The following CNTNAP2 variants were observed in gnomAD, a reference collection of about 807,000 sequenced individuals.
CNTNAP2 encodes contactin associated protein 2, also known as contactin-associated protein-like 2.
A neutral mutation model predicts 155.2 loss-of-function variants in CNTNAP2; 98 were observed. The ratio of observed to expected loss-of-function variants is 0.63; its 90% confidence interval spans 0.54 to 0.75. The LOEUF (loss-of-function observed/expected upper bound fraction) is 0.75, where lower values mean the gene tolerates loss of function less well. Among genes scored for constraint, CNTNAP2 ranks in the 30% least tolerant of loss-of-function variants. The pLI is 0.00. For missense variants in CNTNAP2, 1,727 were observed against 1,688.1 expected (o/e 1.02, Z -0.40); for synonymous variants, 651 against 631.2 (o/e 1.03, Z -0.47).
intron 12 of CNTNAP2, among the ~76,000 whole-genome samples, chr7:147,631,768 G>A (rs1795089941): frequency 1.3e-5 from 2 of 152,120 alleles, no homozygotes; most frequent in Admixed American, 1.3e-4. Context: ...TGGGATAATT[G>A]GCAAGTCACA....
chr7:148,059,686 C>A (rs1435467334), intron 15 of CNTNAP2, among the ~76,000 whole-genome samples: 13 of 149,304 alleles, frequency 8.7e-5, no homozygotes, highest in Non-Finnish European at 7.4e-5. Flanking sequence ...TAAAAAACAG[C>A]AGAAATATTC....
At chr7:146,932,067 A>G (rs1456674458) in intron 3 of CNTNAP2, among the ~76,000 whole-genome samples, 1 of 151,214 alleles carries the variant, frequency 6.6e-6, no homozygotes, top group Non-Finnish European at 1.5e-5. Flanking sequence ...AAAAGAGGGA[A>G]TCCTCCCTAA....
intron 9 of CNTNAP2, among the ~76,000 whole-genome samples, chr7:147,320,503 T>C (rs1795330584): frequency 6.6e-6 from 1 of 152,180 alleles, no homozygotes; most frequent in South Asian, 2.1e-4. Flanking sequence ...ATTTTTATGT[T>C]CCTTCAAGTG....
chr7:147,982,118 T>C (rs1255617163), intron 15 of CNTNAP2, among the ~76,000 whole-genome samples: 2 of 152,178 alleles, frequency 1.3e-5, no homozygotes, highest in Non-Finnish European at 2.9e-5. Context: ...ATAAAAGACT[T>C]CCACTTTTTG....
intron 1 of CNTNAP2, among the ~76,000 whole-genome samples, chr7:146,188,476 A>G (rs1376179844): frequency 6.6e-6 from 1 of 152,170 alleles, no homozygotes; most frequent in Non-Finnish European, 1.5e-5. Context: ...ACTAAAGCCA[A>G]ATGTAAAGTC....
intron 1 of CNTNAP2, among the ~76,000 whole-genome samples, chr7:146,232,547 T>C (rs947203408): frequency 5.3e-5 from 8 of 152,138 alleles, no homozygotes; most frequent in Non-Finnish European, 1.0e-4. Context: ...GTATCCTCCA[T>C]ATTAGCCTAT....
At chr7:146,910,273 A>G (rs1314044874) in intron 3 of CNTNAP2, among the ~76,000 whole-genome samples, 74 of 149,554 alleles carry the variant, frequency 4.9e-4, no homozygotes, top group Non-Finnish European at 7.7e-4. Context: ...CAAGCTACCA[A>G]TGACTTTCTT....
rs540112789 is a variant in CNTNAP2, at chr7:147,939,787, C to T, written c.2255+36066C>T. ...AAGTGTCCATTTCCAATCTCTCTTT[C>T]TCTCTCTCTCTCTCTCACACACACA... On this transcript the variant is annotated intron_variant, in intron 14 of 23. Transcript: ENST00000361727. Among the ~76,000 whole-genome samples the T allele has an allele frequency of 4.8e-4, 72 of 149,574 alleles. No individual in the cohort carries two copies. In the South Asian group the frequency reaches 0.011, roughly 23 times the overall value.
intron 15 of CNTNAP2, among the ~76,000 whole-genome samples, chr7:148,043,016 C>T (rs1802707260): frequency 6.6e-6 from 1 of 152,182 alleles, no homozygotes; most frequent in Non-Finnish European, 1.5e-5. Flanking sequence ...AAATGCTCTC[C>T]AGACAATTTC....
intron 1 of CNTNAP2, among the ~76,000 whole-genome samples, chr7:146,339,774 A>G (rs1020228582): frequency 6.6e-6 from 1 of 152,172 alleles, no homozygotes; most frequent in Non-Finnish European, 1.5e-5. Context: ...TAGAACCAGT[A>G]ACAGGGGATT....
At chr7:146,305,647 C>T (rs770725127) in intron 1 of CNTNAP2, among the ~76,000 whole-genome samples, 4 of 152,024 alleles carry the variant, frequency 2.6e-5, no homozygotes, top group South Asian at 4.1e-4. Context: ...GGGCACCCTA[C>T]GAGGTCCATA....
chr7:146,645,311 G>A (rs113271377), intron 1 of CNTNAP2, among the ~76,000 whole-genome samples: 35 of 152,290 alleles, frequency 2.3e-4, no homozygotes, highest in African/African-American at 8.4e-4. Flanking sequence ...GTCATAGGTA[G>A]TGCAGATAGA....
intron 18 of CNTNAP2, among the ~76,000 whole-genome samples, chr7:148,180,858 T>C (rs894416721): frequency 1.3e-5 from 2 of 152,182 alleles, no homozygotes; most frequent in Non-Finnish European, 2.9e-5. Context: ...GGTGGGTCTG[T>C]GAGGCTGTTT....
At chr7:147,700,035 G>A (rs1335050237) in intron 13 of CNTNAP2, among the ~76,000 whole-genome samples, 1 of 152,156 alleles carries the variant, frequency 6.6e-6, no homozygotes, top group East Asian at 1.9e-4. Flanking sequence ...CACTGACAAT[G>A]TGGAAAATGT....
intron 8 of CNTNAP2, among the ~76,000 whole-genome samples, chr7:147,268,148 C>T (rs907721706): frequency 6.6e-6 from 1 of 152,056 alleles, no homozygotes; most frequent in Admixed American, 6.6e-5. Context: ...GTGTTTAATG[C>T]TATGAGATTA....
intron 3 of CNTNAP2, among the ~76,000 whole-genome samples, chr7:147,004,138 G>C (rs1257358010): frequency 6.7e-6 from 1 of 149,114 alleles, no homozygotes; most frequent in Non-Finnish European, 1.5e-5. Context: ...AAATATATTT[G>C]GTTAGATGTA....
chr7:147,838,382 A>G (rs13222735), intron 13 of CNTNAP2, among the ~76,000 whole-genome samples: 11,344 of 152,004 alleles, frequency 0.075, 456 homozygotes, highest in East Asian at 0.15. Flanking sequence ...CAGCTTGAAT[A>G]TCTCCTCAGA....
chr7:148,076,406 A>G (rs1325890659), intron 15 of CNTNAP2, among the ~76,000 whole-genome samples: 2 of 131,776 alleles, frequency 1.5e-5, no homozygotes, highest in African/African-American at 5.6e-5. Flanking sequence ...GTGTAGACCT[A>G]TGATAGCTCT....
In CNTNAP2 at chr7:146,903,988, TTA is replaced by T. The variant is rs575750497; in HGVS notation, c.402+64088_402+64089del. On this transcript the variant is annotated intron_variant, in intron 3 of 23. Coordinates refer to ENST00000361727, the MANE Select transcript of CNTNAP2 (RefSeq NM_014141.6). Reference sequence around the variant, plus strand: ...TGTACACCGTAAATATACATAATTATTATATGTCAATTTAAAATAAAGTTAAA... The same window carrying T: ...TGTACACCGTAAATATACATAATTATTATGTCAATTTAAAATAAAGTTAAA... Among the ~76,000 whole-genome samples, 690 of 152,310 alleles carry T rather than the reference TTA, an allele frequency of 4.5e-3. 5 individuals carry two copies. The highest frequency in any genetic ancestry group is 0.016 in the African/African-American group (646 of 41,564).
Sources: allele counts gnomAD v4.1 joint callset (sites outside exome capture counted in the v4.1 genomes callset), GRCh38; gene constraint gnomAD v4.1.1; transcripts MANE v1.5; gene names NCBI Gene and HGNC (gene_info 2026-07-23, HGNC 2026-07-21).